The following PCLO variants were observed in gnomAD, a reference collection of about 807,000 sequenced individuals.
The protein encoded by PCLO is protein piccolo.
A neutral mutation model predicts 427.5 loss-of-function variants in PCLO; 82 were observed. That is an observed-to-expected ratio of 0.19 (90% CI 0.16 to 0.23). PCLO has a LOEUF of 0.23. PCLO is among the 10% of genes least tolerant of loss of function. PCLO has a pLI of 1.00. For synonymous variants in PCLO, 2,357 were observed against 2,155.4 expected (o/e 1.09, Z -2.59); for missense variants, 6,239 against 6,115.9 (o/e 1.02, Z -0.67).
Position 83,155,396 on chromosome 7 carries a change from C to A in PCLO, c.1245G>T (p.Val415=). The A allele has an allele frequency of 6.2e-7, 1 of 1,613,028 alleles. No individual in the cohort carries two copies. Among genetic ancestry groups the A allele is most frequent in the East Asian group, 2.2e-5 (1 of 44,784 alleles). The change falls in exon 2 of 25, where the codon GTG becomes GTT. Residue 415 remains valine (V), a synonymous_variant. Transcript: ENST00000333891. The part of the protein sequence containing the change: ...PGPAKPPTQQ[V]GTPKPLAQQP... ...GTTGAGCTAGGGGTTTTGGTGTCCC[C>A]ACCTGCTGGGTTGGAGGCTTTGCTG...
chr7:83,084,942 G>A (rs918648060), intron 3 of PCLO, among the ~76,000 whole-genome samples: 1 of 152,114 alleles, frequency 6.6e-6, no homozygotes, highest in Non-Finnish European at 1.5e-5. Context: ...AGAGACCAAA[G>A]TAGAAATCTC....
At position 82,845,464 on chromosome 7, in the gene PCLO, C is replaced by G. The variant is rs1792476124; in HGVS notation, c.13853G>C (p.Gly4618Ala). 1.9e-6 allele frequency: 3 copies of G among 1,612,308 alleles called. No homozygotes were observed. Among genetic ancestry groups the G allele is most frequent in the Non-Finnish European group, 2.5e-6 (3 of 1,179,002 alleles). Reference protein sequence around the residue: ...PKAVDKAKSPGVDPKQLAAEL... With the variant: ...PKAVDKAKSPAVDPKQLAAEL... ...TGCTGCCAACTGCTTAGGATCAACC[C>G]CTGGGGATTTCGCCTTATCCACTAC... Residue 4618 changes from glycine to alanine, a missense_variant, in exon 13 of 25, where the codon GGG becomes GCG. Physicochemically the swap from Gly to Ala is moderately conservative, Grantham distance 60 (BLOSUM62 0). Around this residue, in one of 5 missense-constraint regions of PCLO, gnomAD observed 877 missense variants for 925.5 expected, o/e 0.95. Coordinates refer to ENST00000333891, the MANE Select transcript of PCLO (RefSeq NM_033026.6).
chr7:82,935,556 T>C (rs1794932344), intron 6 of PCLO, among the ~76,000 whole-genome samples: 1 of 151,632 alleles, frequency 6.6e-6, no homozygotes, highest in South Asian at 2.1e-4. Context: ...TTTTGTTTAA[T>C]ATTAAAAAAA....
chr7:82,951,080 T>G lies in PCLO; in HGVS notation c.9508A>C (p.Met3170Leu). ...DISASLQTIT[M>L]ESLTAETIDS... ...ATCGTCTCAGCAGTAAGAGACTCCA[T>G]AGTAATAGTTTGCAAACTGGCACTG... Residue 3170 changes from methionine to leucine, a missense_variant, in exon 6 of 25, where the codon ATG becomes CTG. Transcript: ENST00000333891. 6.2e-7 allele frequency: 1 copy of G among 1,613,856 alleles called. No individual in the cohort carries two copies.
chr7:83,086,369 A>C (rs1584002532), intron 3 of PCLO, among the ~76,000 whole-genome samples: 2 of 152,276 alleles, frequency 1.3e-5, no homozygotes, highest in East Asian at 3.9e-4. Flanking sequence ...TCAGCATCCC[A>C]AAGTTCTAGG....
rs920981011 is a variant in PCLO at position 82,879,543 on chromosome 7, G to A, written c.13529-81C>T. On this transcript the variant is annotated intron_variant, in intron 9 of 24. Coordinates refer to ENST00000333891, the MANE Select transcript of PCLO (RefSeq NM_033026.6). ...TCACAAGTTACAGAGAGCACAAAAA[G>A]TAGGTCTGGTATCCAGAAGCTAAAT... 4.1e-5 allele frequency: 42 copies of A among 1,021,734 alleles called. No homozygotes were observed. The Middle Eastern group carries it at 8.5e-4, about 21-fold the overall frequency. 63.3% of individuals were successfully genotyped at this position (1,021,734 alleles called of 1,614,324 possible).
intron 1 of PCLO, among the ~76,000 whole-genome samples, chr7:83,160,979 T>C (rs1223885651): frequency 6.6e-6 from 1 of 152,102 alleles, no homozygotes; most frequent in African/African-American, 2.4e-5. Context: ...TATCATAAAC[T>C]GGATAAGAGA....
At chr7:82,872,708 T>G (rs1321500550) in intron 10 of PCLO, among the ~76,000 whole-genome samples, 1 of 151,938 alleles carries the variant, frequency 6.6e-6, no homozygotes, top group Non-Finnish European at 1.5e-5. Flanking sequence ...GCGGTAAAAA[T>G]AAAGCAAACC....
intron 3 of PCLO, among the ~76,000 whole-genome samples, chr7:83,119,148 C>A (rs867606556): frequency 6.6e-6 from 1 of 152,210 alleles, no homozygotes; most frequent in South Asian, 2.1e-4. Context: ...AAATAAGGAG[C>A]TCCTAAGCCT....
At chr7:83,074,300 C>T (rs1286529018) in intron 3 of PCLO, among the ~76,000 whole-genome samples, 6 of 151,962 alleles carry the variant, frequency 3.9e-5, no homozygotes, top group African/African-American at 1.4e-4. Flanking sequence ...CGGATAACTA[C>T]ATTTGTTTCA....
chr7:82,782,341 TG>T (rs537094987), intron 22 of PCLO, among the ~76,000 whole-genome samples: 60 of 152,338 alleles, frequency 3.9e-4, no homozygotes, highest in African/African-American at 1.4e-3. Flanking sequence ...AGAGGTTTCT[TG>T]AAATAACATT....
At chr7:83,078,098 T>G (rs969764323) in intron 3 of PCLO, among the ~76,000 whole-genome samples, 1 of 152,072 alleles carries the variant, frequency 6.6e-6, no homozygotes, top group Non-Finnish European at 1.5e-5. Flanking sequence ...CTCAGATACC[T>G]CCTAATAATG....
chr7:82,819,826 T>C (rs950399422), intron 20 of PCLO, among the ~76,000 whole-genome samples: 1 of 152,188 alleles, frequency 6.6e-6, no homozygotes, highest in Non-Finnish European at 1.5e-5. Context: ...TAGGAAAGTA[T>C]AAGGCTTGAT....
At chr7:83,014,531 C>T (rs957123201) in intron 3 of PCLO, among the ~76,000 whole-genome samples, 1 of 151,642 alleles carries the variant, frequency 6.6e-6, no homozygotes, top group Non-Finnish European at 1.5e-5. Context: ...GAAAGTAATA[C>T]ACCTAAAAAA....
chr7:83,160,549 TA>T (rs1792409270), intron 1 of PCLO, among the ~76,000 whole-genome samples: 1 of 142,136 alleles, frequency 7.0e-6, no homozygotes. Context: ...AGAAAATTAT[TA>T]TTTATTTTTT....
In PCLO at chr7:83,134,231, ATATATATATAT is replaced by A. The variant is rs759837488; in HGVS notation, c.3300+8_3300+18del. 9.7e-5 allele frequency: 70 copies of A among 723,934 alleles called. 6 individuals carry two copies. Among genetic ancestry groups the A allele is most frequent in the East Asian group, 5.6e-4 (14 of 24,898 alleles). 44.8% of individuals were successfully genotyped at this position (723,934 alleles called of 1,614,324 possible). On this transcript the variant is annotated splice_region_variant and intron_variant, in intron 3 of 24. Transcript: ENST00000333891. ...ACCTCCATATGTAATATATATATAT[ATATATATATAT>A]AACTTACCTCAGTCAAATGTGGTGT...
intron 3 of PCLO, among the ~76,000 whole-genome samples, chr7:83,126,031 G>A (rs981591882): frequency 7.9e-5 from 12 of 152,114 alleles, no homozygotes. Flanking sequence ...ATATAGCATG[G>A]AATATTATCC....
chr7:83,022,979 A>T (rs1039636914), intron 3 of PCLO, among the ~76,000 whole-genome samples: 5 of 152,186 alleles, frequency 3.3e-5, no homozygotes, highest in African/African-American at 4.8e-5. Context: ...ATAAATGCAT[A>T]TATCAAATCT....
chr7:82,911,371 G>A (rs1452302488), intron 7 of PCLO, among the ~76,000 whole-genome samples: 2 of 151,846 alleles, frequency 1.3e-5, no homozygotes, highest in African/African-American at 4.8e-5. Context: ...TAAAATCTCA[G>A]TGAAAAAGTA....
Sources: allele counts gnomAD v4.1 joint callset (sites outside exome capture counted in the v4.1 genomes callset), GRCh38; gene constraint gnomAD v4.1.1; regional missense constraint gnomAD v4.1.1; transcripts MANE v1.5; gene names NCBI Gene and HGNC (gene_info 2026-07-23, HGNC 2026-07-21).